The following FBXL18 variants were observed in gnomAD, a reference collection of about 807,000 sequenced individuals.
The protein encoded by FBXL18 is F-box and leucine rich repeat protein 18.
Under a neutral mutation model 46.0 loss-of-function variants are expected in FBXL18, and 36 were observed. That is an observed-to-expected ratio of 0.78 (90% CI 0.60 to 1.03). The LOEUF is 1.03. Among genes scored for constraint, FBXL18 ranks in the 50% least tolerant of loss-of-function variants. FBXL18 has a pLI of 0.00. For synonymous variants in FBXL18, 557 were observed against 465.3 expected, an observed-to-expected ratio of 1.20 and a Z score of -2.54; for missense variants, 977 against 1,004.1, an observed-to-expected ratio of 0.97 and a Z score of 0.36.
chr7:5,474,272 C>T (rs1783472666), downstream of FBXL18, among the ~76,000 whole-genome samples: 1 of 150,242 alleles, frequency 6.7e-6, no homozygotes, highest in South Asian at 2.1e-4. Flanking sequence ...GGCTGCACAA[C>T]ACTGTGATGT....
intron 2 of FBXL18, among the ~76,000 whole-genome samples, chr7:5,504,701 G>A (rs1368120509): frequency 1.3e-5 from 2 of 148,970 alleles, no homozygotes; most frequent in African/African-American, 4.9e-5. Flanking sequence ...AGATCACGAG[G>A]TCAGGAGATC....
intron 4 of FBXL18, among the ~76,000 whole-genome samples, chr7:5,458,719 G>C (rs1428880381): frequency 6.6e-6 from 1 of 152,002 alleles, no homozygotes; most frequent in Non-Finnish European, 1.5e-5. Context: ...AAATTAGCTG[G>C]GCGTGGTGGC....
At chr7:5,499,911 T>A (rs1301821178) in intron 3 of FBXL18, among the ~76,000 whole-genome samples, 2 of 150,854 alleles carry the variant, frequency 1.3e-5, no homozygotes, top group Non-Finnish European at 1.5e-5. Flanking sequence ...TTTAAAAATA[T>A]ATATATAGCC....
intron 4 of FBXL18, among the ~76,000 whole-genome samples, chr7:5,490,908 G>A (rs766777942): frequency 2.3e-4 from 35 of 152,312 alleles, no homozygotes; most frequent in Middle Eastern, 3.4e-3. Context: ...GCAGTGAGCC[G>A]AGATTTCGCC....
intron 4 of FBXL18, chr7:5,489,427 G>A: frequency 2.2e-6 from 1 of 455,740 alleles, no homozygotes; most frequent in Non-Finnish European, 4.3e-6. Flanking sequence ...CTGAGGTCAG[G>A]AGTTAGAGAC....
At position 5,491,395 on chromosome 7, in the gene FBXL18, C is replaced by G; in HGVS notation, c.1836G>C (p.Gln612His). ...GGCACAGGCGCTGCAGCGAGGGGCA[C>G]TGGCTCAGCGCCTGGAAGAACTGGG... is the stretch of plus-strand genomic sequence containing the variant. ...ANAQFFQALS[Q>H]CPSLQRLCLV... The change falls in exon 4 of 5, where the codon CAG becomes CAC. Residue 612 changes from glutamine to histidine, a missense_variant. Transcript: ENST00000382368. 1 of 1,606,180 alleles carries G rather than the reference C, an allele frequency of 6.2e-7. No homozygotes were observed. The highest frequency in any genetic ancestry group is 8.5e-7 in the Non-Finnish European group (1 of 1,177,534).
rs1190568441 is a variant in FBXL18, at chr7:5,477,457, C to A, written c.*4318G>T. ...GTGGCTCACACCTGTTATCCTAGCA[C>A]TTTGGGAGGCCGAGGCAGGAGAATC... On this transcript the variant is annotated 3_prime_UTR_variant, in exon 5 of 5. Transcript: ENST00000382368. This position sits in a 1 kb window ranked among gnomAD's most constrained non-coding sequence, Gnocchi z 4.4. Among the ~76,000 whole-genome samples the A allele has an allele frequency of 6.6e-6, 1 of 152,176 alleles. No individual in the cohort carries two copies.
chr7:5,480,027 C>A lies in FBXL18; in HGVS notation c.*1748G>T, dbSNP rs1783600853. Among the ~76,000 whole-genome samples, 1 of 152,160 alleles carries A rather than the reference C, an allele frequency of 6.6e-6. No homozygotes were observed. Among genetic ancestry groups the A allele is most frequent in the Non-Finnish European group, 1.5e-5 (1 of 68,018 alleles). ...GGCTGTACCTCCCCACAGCTCTGACCCCAGTTCTCCAAAGGCCTCCTGGAC... is the reference window on the plus strand; with the variant it reads ...GGCTGTACCTCCCCACAGCTCTGACACCAGTTCTCCAAAGGCCTCCTGGAC... On this transcript the variant is annotated 3_prime_UTR_variant, in exon 5 of 5. Transcript: ENST00000382368.
chr7:5,471,421 C>T (rs567151200), downstream of FBXL18, among the ~76,000 whole-genome samples: 42 of 152,208 alleles, frequency 2.8e-4, no homozygotes, highest in African/African-American at 7.9e-4. Context: ...GGACTACAGG[C>T]GCCCGCCACC....
chr7:5,481,607 G>A lies in FBXL18; in HGVS notation c.*168C>T. 1.4e-6 allele frequency: 1 copy of A among 701,242 alleles called. No homozygotes were observed. 43.4% of individuals were successfully genotyped at this position (701,242 alleles called of 1,614,324 possible). A position where few individuals can be genotyped will look rare whatever the true frequency, so the allele number is the denominator to read the frequency against. Reference sequence around the variant, plus strand: ...TCGACCTAAACTTCACAGAGCAACAGTCCCCATGAGAGAGCCGTGGAGACG... The same window carrying A: ...TCGACCTAAACTTCACAGAGCAACAATCCCCATGAGAGAGCCGTGGAGACG... On this transcript the variant is annotated 3_prime_UTR_variant, in exon 5 of 5. Coordinates refer to ENST00000382368, the MANE Select transcript of FBXL18 (RefSeq NM_024963.6).
At chr7:5,509,286 T>G (rs1784469814) in intron 1 of FBXL18, among the ~76,000 whole-genome samples, 1 of 151,702 alleles carries the variant, frequency 6.6e-6, no homozygotes, top group Non-Finnish European at 1.5e-5. Flanking sequence ...TTACAATAAT[T>G]TTTTTTAAAA....
chr7:5,465,989 T>G (rs1783335196), intron 4 of FBXL18, among the ~76,000 whole-genome samples: 1 of 151,998 alleles, frequency 6.6e-6, no homozygotes, highest in Non-Finnish European at 1.5e-5. Context: ...AGCTAATTTT[T>G]GTATTTTTAG....
At chr7:5,507,767 G>C (rs993293552) in intron 1 of FBXL18, among the ~76,000 whole-genome samples, 4 of 152,030 alleles carry the variant, frequency 2.6e-5, no homozygotes, top group South Asian at 2.1e-4. Context: ...CCCGGAGGCA[G>C]AGATTGCAGG....
intron 4 of FBXL18, among the ~76,000 whole-genome samples, chr7:5,490,903 G>C (rs989250493): frequency 6.6e-6 from 1 of 152,230 alleles, no homozygotes; most frequent in Non-Finnish European, 1.5e-5. Context: ...AGGTCGCAGT[G>C]AGCCGAGATT....
intron 3 of FBXL18, chr7:5,495,832 C>A: frequency 2.1e-6 from 1 of 479,540 alleles, no homozygotes; most frequent in South Asian, 1.5e-5. Context: ...CAGCTGGCAG[C>A]GTCTGGGAAC....
chr7:5,508,517 G>A (rs1160885842), intron 1 of FBXL18, among the ~76,000 whole-genome samples: 1 of 150,786 alleles, frequency 6.6e-6, no homozygotes, highest in Non-Finnish European at 1.5e-5. Context: ...GCTGAGGTGG[G>A]AGGATCGCTT....
chr7:5,483,234 G>T (rs1319985661), intron 4 of FBXL18, among the ~76,000 whole-genome samples: 1 of 150,612 alleles, frequency 6.6e-6, no homozygotes. Flanking sequence ...TGAGGTCAGG[G>T]GTTTGAGACC....
chr7:5,509,100 G>A (rs1475383152), intron 1 of FBXL18, among the ~76,000 whole-genome samples: 17 of 150,880 alleles, frequency 1.1e-4, no homozygotes. Context: ...GGCTGAGGCA[G>A]AAGAATCGCT....
chr7:5,504,327 G>A (rs1346744956), intron 2 of FBXL18, among the ~76,000 whole-genome samples: 1 of 151,384 alleles, frequency 6.6e-6, no homozygotes, highest in African/African-American at 2.4e-5. Context: ...CTACTTAGGA[G>A]GCTGACCCAG....
Sources: gnomAD v4.1 joint callset for allele counts (sites outside exome capture counted in the v4.1 genomes callset) on GRCh38, gnomAD v4.1.1 for gene constraint, Gnocchi (gnomAD v3.1) non-coding constraint, MANE v1.5 for transcripts, NCBI Gene and HGNC (gene_info 2026-07-23, HGNC 2026-07-21) for gene names.